The following ZNF516 variants were observed in gnomAD, a reference collection of about 807,000 sequenced individuals.
ZNF516 encodes the protein zinc finger protein 516.
Under a neutral mutation model 79.7 loss-of-function variants are expected in ZNF516, and 19 were observed. The ratio of observed to expected loss-of-function variants is 0.24; its 90% confidence interval spans 0.17 to 0.35. The LOEUF (loss-of-function observed/expected upper bound fraction) is 0.35, where lower values mean the gene tolerates loss of function less well. ZNF516 is among the 10% of genes least tolerant of loss of function. The pLI is 1.00. For synonymous variants in ZNF516, 877 were observed against 739.5 expected, an observed-to-expected ratio of 1.19 and a Z score of -3.02; for missense variants, 1,678 against 1,679.5, an observed-to-expected ratio of 1.00 and a Z score of 0.02.
At chr18:76,397,282 G>A (rs1414474866) in intron 3 of ZNF516, among the ~76,000 whole-genome samples, 2 of 152,052 alleles carry the variant, frequency 1.3e-5, no homozygotes, top group Non-Finnish European at 2.9e-5. Flanking sequence ...CAATCGTCCA[G>A]CTCAGTCCTA....
intron 1 of ZNF516, among the ~76,000 whole-genome samples, chr18:76,487,248 G>C (rs959457301): frequency 6.6e-6 from 1 of 152,136 alleles, no homozygotes; most frequent in African/African-American, 2.4e-5. Flanking sequence ...CTCTAGCTTT[G>C]GAAAGAGAAG....
At chr18:76,396,009 C>G (rs80204861) in intron 3 of ZNF516, among the ~76,000 whole-genome samples, 6,738 of 152,268 alleles carry the variant, frequency 0.044, 208 homozygotes, top group Non-Finnish European at 0.067. Context: ...CACGTACAAC[C>G]TGAAGTATGA....
At chr18:76,447,783 G>A (rs545247659) in intron 2 of ZNF516, among the ~76,000 whole-genome samples, 12 of 152,282 alleles carry the variant, frequency 7.9e-5, no homozygotes, top group African/African-American at 2.6e-4. Flanking sequence ...CTGGAACTGG[G>A]AACATGCCAG....
rs2074854242 is a variant in ZNF516 at position 76,379,586 on chromosome 18, C to T, written c.2528G>A (p.Gly843Glu). 1 of 1,613,528 alleles carries T rather than the reference C, an allele frequency of 6.2e-7. No individual in the cohort carries two copies. Among genetic ancestry groups the T allele is most frequent in the African/African-American group, 1.3e-5 (1 of 74,932 alleles). Residue 843 changes from glycine (G) to glutamate (E), a missense_variant, in exon 4 of 7, where the codon GGG becomes GAG. Physicochemically the swap from Gly to Glu is moderately conservative, Grantham distance 98. Coordinates refer to ENST00000443185, the MANE Select transcript of ZNF516 (RefSeq NM_014643.4). ...ARFTRTQVPG[G>E]MPGSKSGSSP... ...AGAGCCACTTTTGGACCCCGGCATCCCCCCTGGCACCTGAGTGCGGGTGAA... is the reference window on the plus strand; with the variant it reads ...AGAGCCACTTTTGGACCCCGGCATCTCCCCTGGCACCTGAGTGCGGGTGAA...
rs758621513 is a variant in ZNF516, at chr18:76,441,263, C to T, written c.1792G>A (p.Ala598Thr). 8.1e-6 allele frequency: 13 copies of T among 1,609,992 alleles called. 1 individual carries two copies. In the South Asian group the frequency reaches 1.2e-4, roughly 15 times the overall value. ...EAAEDSGEEG[A>T]PEPAPGGQPR... is the part of the protein sequence containing the mutation. ...TGCTCACCTGGTGCAGGTTCAGGGG[C>T]GCCCTCCTCACCACTGTCTTCGGCA... The change falls in exon 3 of 7, where the codon GCC becomes ACC. Residue 598 changes from alanine to threonine, a missense_variant. Ala to Thr is a moderately conservative substitution (Grantham distance 58). Around this residue, in one of 5 missense-constraint regions of ZNF516, gnomAD observed 1,294 missense variants for 1,248.3 expected, o/e 1.04. Transcript: ENST00000443185.
At chr18:76,424,248 G>A (rs1289279268) in intron 3 of ZNF516, among the ~76,000 whole-genome samples, 1 of 11,804 alleles carries the variant, frequency 8.5e-5, no homozygotes. Context: ...ACACGCACGT[G>A]AAAAGGCTCC....
intron 3 of ZNF516, among the ~76,000 whole-genome samples, chr18:76,404,547 CGT>C (rs2075275602): frequency 6.6e-6 from 1 of 151,558 alleles, no homozygotes; most frequent in Non-Finnish European, 1.5e-5. Context: ...CATGTGTGAA[CGT>C]GTGCATGTGT....
chr18:76,399,515 G>A (rs2075190258), intron 3 of ZNF516, among the ~76,000 whole-genome samples: 1 of 152,208 alleles, frequency 6.6e-6, no homozygotes, highest in African/African-American at 2.4e-5. Flanking sequence ...TTACTCAAAT[G>A]TAATGAGTTA....
intron 1 of ZNF516, among the ~76,000 whole-genome samples, chr18:76,489,586 CAAAAAAAAAAA>C (rs5826461): frequency 7.4e-4 from 81 of 109,376 alleles, no homozygotes; most frequent in Non-Finnish European, 1.2e-3. Flanking sequence ...CAACATCTTA[CAAAAAAAAAAA>C]AAAAAAAAAA....
intron 3 of ZNF516, among the ~76,000 whole-genome samples, chr18:76,413,926 T>G (rs1436960411): frequency 6.6e-6 from 1 of 152,242 alleles, no homozygotes. Flanking sequence ...TTTTTCAAAC[T>G]GATACAATAT....
chr18:76,379,319 G>A lies in ZNF516; in HGVS notation c.2795C>T (p.Thr932Met), dbSNP rs370362208. ...GCCAGCCCGGGCGATGACGGTGGGC[G>A]TAGGGGTGGCGCTCCTGCTGAAGCC... Reference protein sequence around the residue: ...GGGFSRSATPTPTVIARAGAQ... With the variant: ...GGGFSRSATPMPTVIARAGAQ... Residue 932 changes from threonine (T) to methionine (M), a missense_variant, in exon 4 of 7, where the codon ACG becomes ATG. By Grantham distance (81) the Thr-to-Met change is moderately conservative (BLOSUM62 -1). Transcript: ENST00000443185. 7.0e-5 allele frequency: 112 copies of A among 1,601,596 alleles called. No individual in the cohort carries two copies. Among genetic ancestry groups the A allele is most frequent in the Admixed American group, 1.0e-4 (6 of 58,912 alleles).
intron 1 of ZNF516, among the ~76,000 whole-genome samples, chr18:76,466,158 C>T (rs1476381856): frequency 1.3e-5 from 2 of 152,118 alleles, no homozygotes; most frequent in African/African-American, 2.4e-5. Flanking sequence ...TTAGGAGTGA[C>T]GTTAATTCAG....
In ZNF516 at chr18:76,441,296, C is replaced by G; in HGVS notation, c.1759G>C (p.Asp587His). The G allele has an allele frequency of 6.2e-7, 1 of 1,611,246 alleles. No homozygotes were observed. The highest frequency in any genetic ancestry group is 8.5e-7 in the Non-Finnish European group (1 of 1,179,438). Residue 587 changes from aspartate (D) to histidine (H), a missense_variant, in exon 3 of 7, where the codon GAC becomes CAC. By Grantham distance (81) the Asp-to-His change is moderately conservative. This residue lies in a region of ZNF516 where 1,294 missense variants were observed against 1,248.3 expected (regional missense o/e 1.04). Coordinates refer to ENST00000443185, the MANE Select transcript of ZNF516 (RefSeq NM_014643.4). ...TCACCACTGTCTTCGGCAGCCTCGT[C>G]GGCCAGGCCAGAGCCCGGGGAGTCA... Reference protein sequence around the residue: ...AADSPGSGLADEAAEDSGEEG... With the variant: ...AADSPGSGLAHEAAEDSGEEG...
intron 2 of ZNF516, among the ~76,000 whole-genome samples, chr18:76,450,786 G>A (rs1441243140): frequency 6.6e-6 from 1 of 152,142 alleles, no homozygotes; most frequent in Non-Finnish European, 1.5e-5. Context: ...GGGAAAAACT[G>A]TAAAACATCT....
chr18:76,473,905 G>GTGTGTGT (rs1555718873), intron 1 of ZNF516, among the ~76,000 whole-genome samples: 18 of 8,304 alleles, frequency 2.2e-3, no homozygotes, highest in Admixed American at 5.4e-3. Flanking sequence ...TTTTTGTGTG[G>GTGTGTGT]GGGGGGGGGG....
Position 76,362,416 on chromosome 18 carries a change from C to T in ZNF516, c.*82G>A. The T allele has an allele frequency of 7.0e-7, 1 of 1,430,774 alleles. No individual in the cohort carries two copies. Among genetic ancestry groups the T allele is most frequent in the Non-Finnish European group, 9.7e-7 (1 of 1,030,788 alleles). The allele number at this position is 1,430,774 out of a possible 1,614,324, so 88.6% of individuals were successfully genotyped here. ...CTGTTCTTCCATGGAGCGGCCAGGTCACAGGTGGGAGGCTGCTGGGACATC... is the reference window on the plus strand; with the variant it reads ...CTGTTCTTCCATGGAGCGGCCAGGTTACAGGTGGGAGGCTGCTGGGACATC... On this transcript the variant is annotated 3_prime_UTR_variant, in exon 7 of 7. Coordinates refer to ENST00000443185, the MANE Select transcript of ZNF516 (RefSeq NM_014643.4).
intron 4 of ZNF516, among the ~76,000 whole-genome samples, chr18:76,378,606 G>A (rs542393311): frequency 6.6e-6 from 1 of 152,216 alleles, no homozygotes; most frequent in African/African-American, 2.4e-5. Context: ...CAGGGCCAAC[G>A]TGCAGAGGGC....
intron 1 of ZNF516, among the ~76,000 whole-genome samples, chr18:76,463,884 T>C (rs1310762573): frequency 6.6e-6 from 1 of 152,242 alleles, no homozygotes; most frequent in East Asian, 1.9e-4. Context: ...CAATAAGCAG[T>C]GCTCGAAAGC....
Position 76,370,516 on chromosome 18 carries a change from C to T in ZNF516, c.3432+12G>A, listed in dbSNP as rs760401719. On this transcript the variant is annotated intron_variant, in intron 6 of 6. Coordinates refer to ENST00000443185, the MANE Select transcript of ZNF516 (RefSeq NM_014643.4). Reference sequence around the variant, plus strand: ...ATCGAAACCCAGACATCCAATTCATCATGAGACCTACTTGTTTGGGGGCGT... The same window carrying T: ...ATCGAAACCCAGACATCCAATTCATTATGAGACCTACTTGTTTGGGGGCGT... 3 of 1,598,796 alleles carry T rather than the reference C, an allele frequency of 1.9e-6. No individual in the cohort carries two copies. The highest frequency in any genetic ancestry group is 2.3e-5 in the East Asian group (1 of 44,364).
Sources: allele counts gnomAD v4.1 joint callset (sites outside exome capture counted in the v4.1 genomes callset), GRCh38; gene constraint gnomAD v4.1.1; regional missense constraint gnomAD v4.1.1; transcripts MANE v1.5; gene names NCBI Gene and HGNC (gene_info 2026-07-23, HGNC 2026-07-21).